The following UBN2 variants were observed in gnomAD, a reference collection of about 807,000 sequenced individuals.
The protein encoded by UBN2 is ubinuclein 2, also known as ubinuclein-2.
In UBN2, 35 loss-of-function variants were observed where a neutral mutation model predicts 120.2. The observed-to-expected ratio is 0.29, with a 90% CI of 0.22 to 0.39. The LOEUF is 0.39. Ranked by LOEUF, UBN2 falls within the 10% of genes least tolerant of loss-of-function variation. UBN2 has a pLI of 1.00. For missense variants in UBN2, 1,693 were observed against 1,663.2 expected (o/e 1.02, Z -0.31); for synonymous variants, 661 against 648.7 (o/e 1.02, Z -0.29).
chr7:139,293,843 T>C, intron 16 of UBN2, 46 bp from the exon 17 acceptor site: 1 of 1,579,390 alleles, frequency 6.3e-7, no homozygotes. Context: ...CTAAAAGGGC[T>C]CAAATCTGGA....
intron 2 of UBN2, among the ~76,000 whole-genome samples, chr7:139,245,522 T>C (rs1379874097): frequency 1.3e-5 from 2 of 152,230 alleles, no homozygotes; most frequent in African/African-American, 2.4e-5. Flanking sequence ...GGCAACAAAC[T>C]AGTCACTTTG....
chr7:139,298,156 A>T lies in UBN2; in HGVS notation c.*320A>T, dbSNP rs1036497049. On this transcript the variant is annotated 3_prime_UTR_variant, in exon 18 of 18. Transcript: ENST00000473989. ...ATTTGATTTTTCCCGGGGGAGGAAG[A>T]AGGAAGTGAAGAGAATTTGGGTAAA... 1 of 267,904 alleles carries T rather than the reference A, an allele frequency of 3.7e-6. No homozygotes were observed. The highest frequency in any genetic ancestry group is 7.1e-6 in the Non-Finnish European group (1 of 141,708). 16.6% of individuals were successfully genotyped at this position (267,904 alleles called of 1,614,324 possible). A position where few individuals can be genotyped will look rare whatever the true frequency, so the allele number is the denominator to read the frequency against.
At chr7:139,268,118 C>T (rs953087444) in intron 7 of UBN2, among the ~76,000 whole-genome samples, 1 of 152,320 alleles carries the variant, frequency 6.6e-6, no homozygotes, top group East Asian at 1.9e-4. Context: ...AAAGACCATC[C>T]TTGGGACATA....
chr7:139,251,484 T>C (rs568418501), intron 2 of UBN2, among the ~76,000 whole-genome samples: 4 of 152,256 alleles, frequency 2.6e-5, no homozygotes, highest in Non-Finnish European at 5.9e-5. Context: ...TCATCTATAC[T>C]GTGGCAGTTT....
At position 139,284,526 on chromosome 7, in the gene UBN2, T is replaced by C; in HGVS notation, c.3621T>C (p.His1207=). 3 of 1,613,910 alleles carry C rather than the reference T, an allele frequency of 1.9e-6. No homozygotes were observed. The highest frequency in any genetic ancestry group is 2.5e-6 in the Non-Finnish European group (3 of 1,180,014). ...CTACCAAACCATTGTCTACTCCACATAGACCATCCACTGCCTCAGGGTCTT... is the reference window on the plus strand; with the variant it reads ...CTACCAAACCATTGTCTACTCCACACAGACCATCCACTGCCTCAGGGTCTT... ...QGATKPLSTP[H]RPSTASGSSV... Residue 1207 remains histidine, a synonymous_variant, in exon 15 of 18, where the codon CAT becomes CAC. Coordinates refer to ENST00000473989, the MANE Select transcript of UBN2 (RefSeq NM_173569.4).
chr7:139,278,181 CT>C (rs75636576), intron 12 of UBN2, among the ~76,000 whole-genome samples: 171 of 133,808 alleles, frequency 1.3e-3, no homozygotes, highest in Middle Eastern at 3.8e-3. Context: ...CTCTCTCTGG[CT>C]TTTTTTTTTT....
intron 3 of UBN2, 103 bp downstream of exon 3, chr7:139,252,160 G>T: frequency 1.2e-5 from 11 of 898,712 alleles, no homozygotes; most frequent in South Asian, 3.7e-5. Context: ...GTTTTTATTT[G>T]TGCTTTTTAA....
rs1798179306 is a variant in UBN2, at chr7:139,298,705, A to G, written c.*869A>G. The G allele has an allele frequency of 6.6e-6, 1 of 152,012 alleles. No homozygotes were observed. The allele number at this position is 152,012 out of a possible 1,614,324, so 9.4% of individuals were successfully genotyped here. A position where few individuals can be genotyped will look rare whatever the true frequency, so the allele number is the denominator to read the frequency against. On this transcript the variant is annotated 3_prime_UTR_variant, in exon 18 of 18. Transcript: ENST00000473989. ...ACTGTGTTCACATTTTTCTCCTGAG[A>G]AATGGGGATCTTTACAGGGTTATTG...
chr7:139,255,874 A>T (rs1796751041), intron 3 of UBN2, among the ~76,000 whole-genome samples: 1 of 152,194 alleles, frequency 6.6e-6, no homozygotes. Context: ...TTTGTTTATT[A>T]TTAATAAATA....
chr7:139,249,258 T>G (rs1048149490), intron 2 of UBN2, among the ~76,000 whole-genome samples: 3 of 152,238 alleles, frequency 2.0e-5, no homozygotes, highest in African/African-American at 7.2e-5. Context: ...GTAATCATGT[T>G]GTTTTGTCCA....
Position 139,284,036 on chromosome 7 carries a change from A to T in UBN2, c.3131A>T (p.Lys1044Met), listed in dbSNP as rs1797698061. The change falls in exon 15 of 18, where the codon AAG becomes ATG. Residue 1044 changes from lysine (K) to methionine (M), a missense_variant. Coordinates refer to ENST00000473989, the MANE Select transcript of UBN2 (RefSeq NM_173569.4). ...TCCCCAAAACTTGCCGCATCTCCCA[A>T]GCCTGCCACATCTCCTAAACCCCTG... ...AASPKLAASPKPATSPKPLPS... is the reference protein window; with the variant it reads ...AASPKLAASPMPATSPKPLPS... 1 of 1,613,858 alleles carries T rather than the reference A, an allele frequency of 6.2e-7. No homozygotes were observed. Among genetic ancestry groups the T allele is most frequent in the Non-Finnish European group, 8.5e-7 (1 of 1,179,966 alleles).
intron 6 of UBN2, among the ~76,000 whole-genome samples, chr7:139,263,797 C>G (rs998081012): frequency 6.6e-6 from 1 of 151,174 alleles, no homozygotes; most frequent in Non-Finnish European, 1.5e-5. Context: ...GGAATACGTG[C>G]TAATACATCA....
chr7:139,271,604 T>A (rs1745687490), intron 8 of UBN2, among the ~76,000 whole-genome samples: 1 of 151,976 alleles, frequency 6.6e-6, no homozygotes, highest in Non-Finnish European at 1.5e-5. Flanking sequence ...AAAAAAATTG[T>A]TTCAGTAAAG....
chr7:139,277,732 T>C (rs576766305), intron 12 of UBN2: 1 of 152,360 alleles, frequency 6.6e-6, no homozygotes, highest in Non-Finnish European at 1.5e-5. Context: ...GTGTCAGTGG[T>C]ATTTTCGGCT....
intron 15 of UBN2, among the ~76,000 whole-genome samples, chr7:139,286,840 A>G (rs1471503038): frequency 6.6e-6 from 1 of 152,194 alleles, no homozygotes; most frequent in Non-Finnish European, 1.5e-5. Flanking sequence ...GCTGTTCAAT[A>G]TAGTCTAAGG....
At chr7:139,242,236 G>A (rs571697188) in intron 2 of UBN2, among the ~76,000 whole-genome samples, 279 of 152,256 alleles carry the variant, frequency 1.8e-3, no homozygotes, top group African/African-American at 6.5e-3. Context: ...AGTTTTGAAA[G>A]CATTTGTGTA....
chr7:139,309,321 A>G (rs972095010), downstream of UBN2, among the ~76,000 whole-genome samples: 4 of 152,252 alleles, frequency 2.6e-5, no homozygotes, highest in African/African-American at 7.2e-5. Flanking sequence ...GAAAAGAACT[A>G]AGAAGTTAAA....
intron 13 of UBN2, among the ~76,000 whole-genome samples, chr7:139,281,005 CT>C (rs535140991): frequency 3.0e-4 from 46 of 152,200 alleles, no homozygotes; most frequent in Non-Finnish European, 5.7e-4. Flanking sequence ...TTGAGCCAAT[CT>C]TTCATTAAAT....
At chr7:139,243,336 A>G (rs944875954) in intron 2 of UBN2, among the ~76,000 whole-genome samples, 3 of 152,142 alleles carry the variant, frequency 2.0e-5, no homozygotes, top group Admixed American at 2.0e-4. Context: ...TTTGATTTTT[A>G]TAAGATCTAC....
Sources: gnomAD v4.1 joint callset for allele counts (sites outside exome capture counted in the v4.1 genomes callset) on GRCh38, gnomAD v4.1.1 for gene constraint, MANE v1.5 for transcripts, NCBI Gene and HGNC (gene_info 2026-07-23, HGNC 2026-07-21) for gene names.